EYA4: variants seen among roughly 807,000 people sequenced by gnomAD.
EYA4 encodes protein phosphatase EYA4.
Under a neutral mutation model 87.9 loss-of-function variants are expected in EYA4, and 31 were observed. The observed-to-expected ratio is 0.35, with a 90% confidence interval of 0.27 to 0.48. The LOEUF is 0.48. Among genes scored for constraint, EYA4 ranks in the 20% least tolerant of loss-of-function variants. The probability of loss-of-function intolerance (pLI) is 0.99; values close to 1 mark genes in which losing one functional copy is unlikely to be tolerated. For missense variants in EYA4, 678 were observed against 761.4 expected (o/e 0.89, Z 1.29); for synonymous variants, 263 against 270.6 (o/e 0.97, Z 0.28).
upstream of EYA4, among the ~76,000 whole-genome samples, chr6:133,241,045 G>A (rs1305582572): frequency 6.6e-6 from 1 of 151,986 alleles, no homozygotes; most frequent in East Asian, 1.9e-4. Context: ...GGGTGGGGGC[G>A]GGGTGGGGGC....
rs770537738 is a variant in EYA4, at chr6:133,523,074, C to T, written c.1635C>T (p.Val545=). The T allele has an allele frequency of 3.7e-6, 6 of 1,611,766 alleles. No individual in the cohort carries two copies. The Admixed American group carries it at 1.0e-4, about 27-fold the overall frequency. Residue 545 remains valine (V), a synonymous_variant, in exon 18 of 20, where the codon GTC becomes GTT. Coordinates refer to ENST00000355286, the MANE Select transcript of EYA4 (RefSeq NM_004100.5). The part of the protein sequence containing the change: ...IISTRSNCIN[V]LVTTTQLIPA... ...ATTTTAGGAGTAACTGCATAAATGT[C>T]TTGGTAACGACAACTCAACTGATCC...
At chr6:133,286,269 C>T (rs1007985301) in intron 2 of EYA4, among the ~76,000 whole-genome samples, 2 of 152,086 alleles carry the variant, frequency 1.3e-5, no homozygotes, top group Non-Finnish European at 1.5e-5. Flanking sequence ...GCTAATTAAA[C>T]GCATGTGAAA....
At chr6:133,272,859 G>A (rs1353020886) in intron 1 of EYA4, among the ~76,000 whole-genome samples, 1 of 152,040 alleles carries the variant, frequency 6.6e-6, no homozygotes, top group Non-Finnish European at 1.5e-5. Context: ...GGGCCAAAAT[G>A]ATCTCAACCT....
At chr6:133,324,843 GTCTTT>G (rs1287011268) in intron 2 of EYA4, among the ~76,000 whole-genome samples, 16 of 150,188 alleles carry the variant, frequency 1.1e-4, no homozygotes, top group African/African-American at 3.4e-4. Context: ...AATAAATCCA[GTCTTT>G]TCTTTCAAGT....
chr6:133,383,103 A>G (rs182049963), intron 3 of EYA4, among the ~76,000 whole-genome samples: 126 of 152,380 alleles, frequency 8.3e-4, no homozygotes, highest in African/African-American at 2.6e-3. Flanking sequence ...ATACTATGAC[A>G]ATAATAAACA....
intron 11 of EYA4, among the ~76,000 whole-genome samples, chr6:133,473,422 G>T (rs1239024050): frequency 1.3e-5 from 2 of 151,966 alleles, no homozygotes; most frequent in Admixed American, 1.3e-4. Flanking sequence ...GAAAATGGTA[G>T]GTCATATGGG....
intron 1 of EYA4, among the ~76,000 whole-genome samples, chr6:133,254,973 C>A (rs1426252230): frequency 1.3e-5 from 2 of 152,168 alleles, no homozygotes; most frequent in African/African-American, 4.8e-5. Flanking sequence ...TGTGTGTATC[C>A]AGGCTCTGCC....
intron 3 of EYA4, among the ~76,000 whole-genome samples, chr6:133,430,975 CAG>C (rs1791128956): frequency 6.6e-6 from 1 of 152,100 alleles, no homozygotes; most frequent in East Asian, 1.9e-4. Context: ...AATCTCTGAA[CAG>C]GGGATGTTTG....
chr6:133,445,463 T>C (rs1762794902), intron 3 of EYA4, among the ~76,000 whole-genome samples: 1 of 152,228 alleles, frequency 6.6e-6, no homozygotes, highest in African/African-American at 2.4e-5. Context: ...TTCAGGTTGT[T>C]GGTGAGAAAT....
At chr6:133,338,113 C>G (rs1782512146) in intron 2 of EYA4, among the ~76,000 whole-genome samples, 1 of 152,120 alleles carries the variant, frequency 6.6e-6, no homozygotes, top group South Asian at 2.1e-4. Context: ...TTAGAAAAAG[C>G]TAAAAACTTA....
intron 2 of EYA4, among the ~76,000 whole-genome samples, chr6:133,315,968 T>C (rs1366050578): frequency 1.3e-5 from 2 of 152,114 alleles, no homozygotes; most frequent in Non-Finnish European, 2.9e-5. Flanking sequence ...GTCTGGCTAA[T>C]GGGAGCAGGC....
chr6:133,432,488 C>CTTTTTTTTT (rs377728635), intron 3 of EYA4, among the ~76,000 whole-genome samples: 1 of 141,714 alleles, frequency 7.1e-6, no homozygotes. Context: ...GGCTGGTTGA[C>CTTTTTTTTT]TTTTTTTTTT....
intron 3 of EYA4, among the ~76,000 whole-genome samples, chr6:133,427,421 A>G (rs1412773103): frequency 6.6e-6 from 1 of 152,228 alleles, no homozygotes; most frequent in East Asian, 1.9e-4. Flanking sequence ...AGAAGTGGAT[A>G]AATGGAGCAT....
chr6:133,528,531 C>T (rs373766912), intron 19 of EYA4, among the ~76,000 whole-genome samples, 194 bp from the exon 20 acceptor site: 3 of 152,164 alleles, frequency 2.0e-5, no homozygotes, highest in East Asian at 1.9e-4. Context: ...TTCTCTGTTA[C>T]TTTGACAGTG....
intron 2 of EYA4, among the ~76,000 whole-genome samples, chr6:133,279,299 C>T (rs1242640486): frequency 3.3e-5 from 5 of 152,042 alleles, no homozygotes; most frequent in Admixed American, 3.3e-4. Flanking sequence ...GCATTACGGG[C>T]CTGAACATTC....
chr6:133,364,570 A>T (rs551851288), intron 2 of EYA4, among the ~76,000 whole-genome samples: 1 of 152,330 alleles, frequency 6.6e-6, no homozygotes, highest in South Asian at 2.1e-4. Context: ...ATGTACAGGG[A>T]GTTACTTCTG....
intron 19 of EYA4, among the ~76,000 whole-genome samples, chr6:133,526,797 T>G (rs1800673320): frequency 6.6e-6 from 1 of 152,230 alleles, no homozygotes; most frequent in Admixed American, 6.5e-5. Flanking sequence ...GTGATTTTTC[T>G]TATTGGCACC....
intron 2 of EYA4, among the ~76,000 whole-genome samples, chr6:133,314,161 T>G (rs1445183021): frequency 6.6e-6 from 1 of 152,144 alleles, no homozygotes; most frequent in Non-Finnish European, 1.5e-5. Context: ...TGTTGCAAAT[T>G]ACTTATGACT....
chr6:133,441,705 G>C (rs1315751546), intron 3 of EYA4, among the ~76,000 whole-genome samples: 6 of 152,114 alleles, frequency 3.9e-5, no homozygotes, highest in Non-Finnish European at 8.8e-5. Context: ...GCAGGTAGTA[G>C]GTAATTGGAA....
Sources: gnomAD v4.1 joint callset for allele counts (sites outside exome capture counted in the v4.1 genomes callset) on GRCh38, gnomAD v4.1.1 for gene constraint, MANE v1.5 for transcripts, NCBI Gene and HGNC (gene_info 2026-07-23, HGNC 2026-07-21) for gene names.